The following REXO1 variants were observed in gnomAD, a reference collection of about 807,000 sequenced individuals.
REXO1 encodes the protein RNA exonuclease 1 homolog, also known as REX1, RNA exonuclease 1 homolog.
In REXO1, 42 loss-of-function variants were observed where a neutral mutation model predicts 102.6. That is an observed-to-expected ratio of 0.41 (90% CI 0.32 to 0.53). The LOEUF (loss-of-function observed/expected upper bound fraction) is 0.53. Among genes scored for constraint, REXO1 ranks in the 20% least tolerant of loss-of-function variants. REXO1 has a pLI of 0.27. For missense variants in REXO1, 1,819 were observed against 1,732.5 expected, an observed-to-expected ratio of 1.05 and a Z score of -0.89; for synonymous variants, 908 against 779.1, an observed-to-expected ratio of 1.17 and a Z score of -2.76.
Position 1,846,358 on chromosome 19 carries a change from G to T in REXO1, c.157+1844C>A, listed in dbSNP as rs570521485. On this transcript the variant is annotated intron_variant, in intron 1 of 15. Coordinates refer to ENST00000170168, the MANE Select transcript of REXO1 (RefSeq NM_020695.4). The stretch of plus-strand genomic sequence containing the variant: ...GGAAGATGGATCCTGCCTTCTGCGG[G>T]GGGAGGCAGTCTTCTACCAGACAGT... 7.2e-5 allele frequency among the ~76,000 whole-genome samples: 11 copies of T among 152,280 alleles called. 1 individual carries two copies. The East Asian group carries it at 2.1e-3, about 29-fold the overall frequency.
chr19:1,827,991 C>T lies in REXO1; in HGVS notation c.798G>A (p.Glu266=), dbSNP rs2069790393. The T allele has an allele frequency of 4.3e-6, 7 of 1,613,216 alleles. No homozygotes were observed. The highest frequency in any genetic ancestry group is 3.3e-5 in the South Asian group (3 of 91,072). ...GCTTCTTGGGAGCAGGTGTGTAGGG[C>T]TCACTGCCGCGGGAGCCCCGGGGCC... ...AKRPRGSRGS[E]PYTPAPKKLC... is the part of the protein sequence containing the mutation. The change falls in exon 2 of 16, where the codon GAG becomes GAA. Residue 266 remains glutamate, a synonymous_variant. Transcript: ENST00000170168.
At chr19:1,818,973 G>A in intron 8 of REXO1, 45 bp downstream of exon 8, 2 of 1,568,036 alleles carry the variant, frequency 1.3e-6, no homozygotes, top group Non-Finnish European at 1.7e-6. Flanking sequence ...TGGGCCGGCA[G>A]AGGCCCACGA....
chr19:1,820,176 T>G (rs1000609783), intron 6 of REXO1, 88 bp downstream of exon 6: 14 of 1,560,000 alleles, frequency 9.0e-6, no homozygotes, highest in Non-Finnish European at 1.2e-5. Context: ...GGGTCACAGC[T>G]GCGGCTGAGA....
chr19:1,825,309 A>AC (rs1248295401), intron 3 of REXO1, among the ~76,000 whole-genome samples: 41 of 137,002 alleles, frequency 3.0e-4, no homozygotes, highest in African/African-American at 1.2e-3. Flanking sequence ...CAAAAAAAAA[A>AC]AAAAAAAAAA....
chr19:1,838,641 G>A (rs1303524204), intron 1 of REXO1, among the ~76,000 whole-genome samples: 1 of 150,710 alleles, frequency 6.6e-6, no homozygotes, highest in South Asian at 2.1e-4. Flanking sequence ...CTCCAGCCTG[G>A]GTGACAGGGC....
At chr19:1,841,148 C>T (rs1352601919) in intron 1 of REXO1, among the ~76,000 whole-genome samples, 2 of 152,268 alleles carry the variant, frequency 1.3e-5, no homozygotes, top group Admixed American at 6.5e-5. Flanking sequence ...AATGGCAACT[C>T]GAGAGGTCCC....
chr19:1,828,648 G>A lies in REXO1; in HGVS notation c.158-17C>T. On this transcript the variant is annotated splice_polypyrimidine_tract_variant and intron_variant, in intron 1 of 15. Coordinates refer to ENST00000170168, the MANE Select transcript of REXO1 (RefSeq NM_020695.4). Reference sequence around the variant, plus strand: ...AACCCAGCCCTGAAGGGAACAGAGAGCACAGCTGTGACCAGCCTGCCGGAG... The same window carrying A: ...AACCCAGCCCTGAAGGGAACAGAGAACACAGCTGTGACCAGCCTGCCGGAG... 1 of 1,583,632 alleles carries A rather than the reference G, an allele frequency of 6.3e-7. No individual in the cohort carries two copies. Among genetic ancestry groups the A allele is most frequent in the Non-Finnish European group, 8.6e-7 (1 of 1,169,468 alleles).
At chr19:1,831,851 A>C (rs1193979659) in intron 1 of REXO1, among the ~76,000 whole-genome samples, 3 of 97,256 alleles carry the variant, frequency 3.1e-5, no homozygotes, top group South Asian at 7.6e-4. Context: ...ATCTCAAAAA[A>C]AAAAAAAAAA....
chr19:1,828,276 G>A lies in REXO1; in HGVS notation c.513C>T (p.Ala171=), dbSNP rs545604526. The part of the protein sequence containing the change: ...PDAGYQPTPL[A]APAEPGSKYS... ...ACTTGCTGCCCGGCTCGGCAGGGGC[G>A]GCCAGTGGGGTGGGCTGGTAGCCGG... The change falls in exon 2 of 16, where the codon GCC becomes GCT. Residue 171 remains alanine, a synonymous_variant. Transcript: ENST00000170168. 2.1e-5 allele frequency: 34 copies of A among 1,606,710 alleles called. No individual in the cohort carries two copies. The highest frequency in any genetic ancestry group is 1.6e-4 in the African/African-American group (12 of 74,902).
chr19:1,815,992 G>A lies in REXO1; in HGVS notation c.*74C>T. ...GTGGACGGGTTACCGGAGATTTATT[G>A]CACTGTTTTGGAAGAGGCATGGGGC... On this transcript the variant is annotated 3_prime_UTR_variant, in exon 16 of 16. Coordinates refer to ENST00000170168, the MANE Select transcript of REXO1 (RefSeq NM_020695.4). This position sits in a 1 kb window ranked among gnomAD's most constrained non-coding sequence, Gnocchi z 4.0. 6.5e-7 allele frequency: 1 copy of A among 1,536,538 alleles called. No homozygotes were observed. The highest frequency in any genetic ancestry group is 8.7e-7 in the Non-Finnish European group (1 of 1,146,782).
intron 1 of REXO1, among the ~76,000 whole-genome samples, chr19:1,843,170 A>G (rs539094491): frequency 6.7e-6 from 1 of 150,186 alleles, no homozygotes; most frequent in South Asian, 2.1e-4. Context: ...CCGGGCCCAG[A>G]GCCGCAGCTG....
At chr19:1,839,869 C>T (rs914742299) in intron 1 of REXO1, among the ~76,000 whole-genome samples, 9 of 152,216 alleles carry the variant, frequency 5.9e-5, no homozygotes, top group South Asian at 2.1e-4. Flanking sequence ...CCTCCTCGGC[C>T]GTGGTGCACG....
chr19:1,819,690 CG>C (rs2069475089), intron 7 of REXO1, among the ~76,000 whole-genome samples: 2 of 152,342 alleles, frequency 1.3e-5, no homozygotes, highest in South Asian at 4.1e-4. Context: ...GGCGGCCCCT[CG>C]GCTCGGCTTG....
intron 11 of REXO1, 143 bp downstream of exon 11, chr19:1,817,564 T>C: frequency 6.9e-7 from 1 of 1,443,174 alleles, no homozygotes; most frequent in Non-Finnish European, 9.3e-7. Flanking sequence ...GGGTGCTACG[T>C]TCTCTGGGTA....
chr19:1,837,829 G>A (rs2070084949), intron 1 of REXO1, among the ~76,000 whole-genome samples: 2 of 152,216 alleles, frequency 1.3e-5, no homozygotes, highest in Non-Finnish European at 2.9e-5. Context: ...GGGAGAAAAA[G>A]AAAAAGGTCC....
Position 1,825,842 on chromosome 19 carries a change from C to T in REXO1, c.2013G>A (p.Gln671=). ...GCCTGGCCTCTGCGGACCTTACCTC[C>T]TGGCCTTGCTTGGAAAGGTGGGAGA... ...RRISHLSKQG[Q]EVEPPRRGPA... Residue 671 remains glutamine, a synonymous_variant, in exon 3 of 16, where the codon CAG becomes CAA. Coordinates refer to ENST00000170168, the MANE Select transcript of REXO1 (RefSeq NM_020695.4). 1 of 1,608,836 alleles carries T rather than the reference C, an allele frequency of 6.2e-7. No individual in the cohort carries two copies. The highest frequency in any genetic ancestry group is 8.5e-7 in the Non-Finnish European group (1 of 1,175,636).
At position 1,828,132 on chromosome 19, in the gene REXO1, G is replaced by A. The variant is rs770234310; in HGVS notation, c.657C>T (p.Gly219=). 1.2e-6 allele frequency: 2 copies of A among 1,612,370 alleles called. No homozygotes were observed. The highest frequency in any genetic ancestry group is 1.7e-6 in the Non-Finnish European group (2 of 1,179,748). Residue 219 remains glycine (G), a synonymous_variant, in exon 2 of 16, where the codon GGC becomes GGT. Transcript: ENST00000170168. ...PRRHSRPVPS[G]KYVVDNSRPP... Reference sequence around the variant, plus strand: ...GCCTGGAGTTGTCCACCACGTACTTGCCACTGGGAACGGGGCGGCTGTGCC... The same window carrying A: ...GCCTGGAGTTGTCCACCACGTACTTACCACTGGGAACGGGGCGGCTGTGCC...
chr19:1,821,971 G>A (rs976573641), intron 4 of REXO1: 12 of 541,164 alleles, frequency 2.2e-5, no homozygotes, highest in Admixed American at 1.1e-4. Context: ...AGCCCAAGGC[G>A]TCGATGTCTG....
At chr19:1,818,905 C>T (rs537828556) in intron 8 of REXO1, 62 bp from the exon 9 acceptor site, 8 of 1,587,648 alleles carry the variant, frequency 5.0e-6, no homozygotes, top group East Asian at 2.3e-5. Flanking sequence ...TAGACACCAC[C>T]GGGAAAGGCG....
Sources: allele counts gnomAD v4.1 joint callset (sites outside exome capture counted in the v4.1 genomes callset), GRCh38; gene constraint gnomAD v4.1.1; non-coding constraint Gnocchi (gnomAD v3.1); transcripts MANE v1.5; gene names NCBI Gene and HGNC (gene_info 2026-07-23, HGNC 2026-07-21).